The following GRM7 variants were observed in gnomAD, a reference collection of about 807,000 sequenced individuals.
GRM7 encodes the protein metabotropic glutamate receptor 7.
In GRM7, 35 loss-of-function variants were observed where a neutral mutation model predicts 84.5. The ratio of observed to expected loss-of-function variants is 0.41; its 90% CI spans 0.32 to 0.55. The LOEUF (loss-of-function observed/expected upper bound fraction) is 0.55, where lower values mean the gene tolerates loss of function less well. Among genes scored for constraint, GRM7 ranks in the 20% least tolerant of loss-of-function variants. The pLI is 0.19. For synonymous variants in GRM7, 487 were observed against 455.1 expected (o/e 1.07, Z -0.89); for missense variants, 1,003 against 1,194.6 (o/e 0.84, Z 2.36).
chr3:7,128,304 T>C (rs1181085209), intron 1 of GRM7, among the ~76,000 whole-genome samples: 1 of 151,818 alleles, frequency 6.6e-6, no homozygotes. Flanking sequence ...TTCCTATTCA[T>C]TTTCTATGCA....
chr3:7,342,853 G>A (rs1283328891), intron 4 of GRM7, among the ~76,000 whole-genome samples: 2 of 152,130 alleles, frequency 1.3e-5, no homozygotes, highest in South Asian at 2.1e-4. Flanking sequence ...TACCACCTAT[G>A]TGGTCTGTAG....
intron 8 of GRM7, among the ~76,000 whole-genome samples, chr3:7,584,305 A>G (rs1200514098): frequency 6.6e-6 from 1 of 152,198 alleles, no homozygotes; most frequent in Non-Finnish European, 1.5e-5. Flanking sequence ...CATCTTTTCC[A>G]TATAGTGGGT....
intron 7 of GRM7, among the ~76,000 whole-genome samples, chr3:7,473,288 C>T (rs894605409): frequency 1.3e-5 from 2 of 152,016 alleles, no homozygotes; most frequent in African/African-American, 2.4e-5. Flanking sequence ...GACAACAAAG[C>T]AAAACCCCAT....
At chr3:7,032,067 A>G (rs1696208741) in intron 1 of GRM7, among the ~76,000 whole-genome samples, 1 of 152,230 alleles carries the variant, frequency 6.6e-6, no homozygotes, top group South Asian at 2.1e-4. Flanking sequence ...GAAGTGCCTA[A>G]TATCCTAAAA....
rs1211181493 is a variant in GRM7 at position 7,188,630 on chromosome 3, TA to T, written c.736+41964del. On this transcript the variant is annotated intron_variant, in intron 2 of 9. Transcript: ENST00000357716. This position sits in a 1 kb window ranked among gnomAD's most constrained non-coding sequence, Gnocchi z 4.2. ...GGAATAAAGGATCTACTTGAGTGTA[TA>T]AGGGTTGGGGAGACAGTGGTGACAC... is the stretch of plus-strand genomic sequence containing the variant. 1.3e-5 allele frequency among the ~76,000 whole-genome samples: 2 copies of T among 152,102 alleles called. No individual in the cohort carries two copies. The highest frequency in any genetic ancestry group is 1.3e-4 in the Admixed American group (2 of 15,260).
intron 1 of GRM7, among the ~76,000 whole-genome samples, chr3:7,012,388 A>T (rs1257581022): frequency 1.3e-5 from 2 of 152,220 alleles, no homozygotes; most frequent in Non-Finnish European, 2.9e-5. Context: ...TTACAATTTC[A>T]AACATATTTA....
chr3:7,110,482 C>T (rs1025057531), intron 1 of GRM7, among the ~76,000 whole-genome samples: 3 of 151,778 alleles, frequency 2.0e-5, no homozygotes, highest in African/African-American at 7.3e-5. Context: ...GTAATCCCAG[C>T]TACTCGGGAG....
At chr3:7,648,439 G>C (rs968635540) in intron 8 of GRM7, among the ~76,000 whole-genome samples, 1 of 151,940 alleles carries the variant, frequency 6.6e-6, no homozygotes, top group Non-Finnish European at 1.5e-5. Context: ...CTGAGGTCAG[G>C]AGTTCGAGAC....
intron 7 of GRM7, among the ~76,000 whole-genome samples, chr3:7,514,829 A>G (rs1204490724): frequency 6.6e-6 from 1 of 152,188 alleles, no homozygotes; most frequent in Admixed American, 6.5e-5. Flanking sequence ...CATAAAGCGC[A>G]GGTGCAGGAT....
intron 7 of GRM7, among the ~76,000 whole-genome samples, chr3:7,547,034 A>G (rs568454523): frequency 8.9e-4 from 135 of 152,064 alleles, no homozygotes; most frequent in African/African-American, 3.1e-3. Context: ...TCAGAACGCA[A>G]TCTGAATCCT....
chr3:7,216,940 G>C (rs1696634162), intron 2 of GRM7, among the ~76,000 whole-genome samples: 1 of 152,170 alleles, frequency 6.6e-6, no homozygotes, highest in South Asian at 2.1e-4. Flanking sequence ...AGGCATTCCT[G>C]TAACCAGCTA....
intron 2 of GRM7, among the ~76,000 whole-genome samples, chr3:7,222,017 C>G (rs575059635): frequency 6.6e-6 from 1 of 151,772 alleles, no homozygotes; most frequent in Non-Finnish European, 1.5e-5. Context: ...CCATGTTGAC[C>G]GGGCTGGTTT....
At chr3:7,357,869 T>G (rs924166905) in intron 4 of GRM7, among the ~76,000 whole-genome samples, 1 of 152,028 alleles carries the variant, frequency 6.6e-6, no homozygotes, top group Non-Finnish European at 1.5e-5. Context: ...TTGCCTGTAA[T>G]AAATAAGCAA....
intron 8 of GRM7, among the ~76,000 whole-genome samples, chr3:7,626,879 TTAA>T (rs1426964993): frequency 1.3e-5 from 2 of 151,802 alleles, no homozygotes; most frequent in African/African-American, 4.8e-5. Flanking sequence ...CCGAACATTA[TTAA>T]TGTTTGCAAT....
At chr3:7,562,560 T>C (rs1694076763) in intron 7 of GRM7, among the ~76,000 whole-genome samples, 1 of 152,080 alleles carries the variant, frequency 6.6e-6, no homozygotes, top group Non-Finnish European at 1.5e-5. Context: ...CTACGAGTTC[T>C]TCTAGCCCAA....
intron 8 of GRM7, among the ~76,000 whole-genome samples, chr3:7,633,071 G>A (rs956451196): frequency 6.6e-6 from 1 of 152,264 alleles, no homozygotes; most frequent in Non-Finnish European, 1.5e-5. Context: ...GTACATATTT[G>A]GTGCTGGGAT....
In GRM7 at chr3:7,572,826, ATATAT is replaced by A. The variant is rs1399568843; in HGVS notation, c.1516-5595_1516-5591del. ...GACAGAGTGAGACTCTATCTCAAAT[ATATAT>A]ATATATATATATATATATATATATA... On this transcript the variant is annotated intron_variant, in intron 7 of 9. Transcript: ENST00000357716. Among the ~76,000 whole-genome samples, 2 of 62,518 alleles carry A rather than the reference ATATAT, an allele frequency of 3.2e-5. 1 individual carries two copies. Among genetic ancestry groups the A allele is most frequent in the African/African-American group, 1.4e-4 (2 of 13,938 alleles). The allele number at this position is 62,518 out of a possible 152,430, so 41.0% of individuals were successfully genotyped here. A position where few individuals can be genotyped will look rare whatever the true frequency, so the allele number is the denominator to read the frequency against.
At chr3:7,414,527 G>A (rs754422298) in intron 4 of GRM7, among the ~76,000 whole-genome samples, 15 of 152,148 alleles carry the variant, frequency 9.9e-5, no homozygotes, top group Non-Finnish European at 1.9e-4. Context: ...AGTTCCTGGC[G>A]TCCTCGTCCC....
At chr3:7,114,052 G>A (rs926132467) in intron 1 of GRM7, among the ~76,000 whole-genome samples, 1 of 152,110 alleles carries the variant, frequency 6.6e-6, no homozygotes, top group Non-Finnish European at 1.5e-5. Context: ...TTGCCTCTCA[G>A]ATAATAGATA....
Sources: gnomAD v4.1 joint callset for allele counts (sites outside exome capture counted in the v4.1 genomes callset) on GRCh38, gnomAD v4.1.1 for gene constraint, Gnocchi (gnomAD v3.1) non-coding constraint, MANE v1.5 for transcripts, NCBI Gene and HGNC (gene_info 2026-07-23, HGNC 2026-07-21) for gene names.